MATR3: variants seen among roughly 807,000 people sequenced by gnomAD.
MATR3 encodes matrin-3.
Under a neutral mutation model 85.5 loss-of-function variants are expected in MATR3, and 4 were observed. That is an observed-to-expected ratio of 0.05 (90% CI 0.02 to 0.11). The LOEUF (loss-of-function observed/expected upper bound fraction) is 0.11, where lower values mean the gene tolerates loss of function less well. MATR3 is among the 10% of genes least tolerant of loss of function. MATR3 has a pLI of 1.00. For synonymous variants in MATR3, 336 were observed against 343.1 expected (o/e 0.98, Z 0.23); for missense variants, 685 against 1,016.1 (o/e 0.67, Z 4.43).
At position 139,314,924 on chromosome 5, in the gene MATR3, GTAA is replaced by G. The variant is rs569102933; in HGVS notation, c.974+194_974+196del. 917 of 556,374 alleles carry G rather than the reference GTAA, an allele frequency of 1.6e-3. 1 individual carries two copies. The highest frequency in any genetic ancestry group is 2.6e-3 in the Non-Finnish European group (796 of 309,388). 34.5% of individuals were successfully genotyped at this position (556,374 alleles called of 1,614,324 possible). A position where few individuals can be genotyped will look rare whatever the true frequency, so the allele number is the denominator to read the frequency against. On this transcript the variant is annotated intron_variant, in intron 3 of 14. Transcript: ENST00000394805. ...AATTTCATATTGAATATTAGATGCAGTAATAATATTTTGTTATTTAACATTTCT... is the reference window on the plus strand; with the variant it reads ...AATTTCATATTGAATATTAGATGCAGTAATATTTTGTTATTTAACATTTCT...
rs2151891645 is a variant in MATR3, at chr5:139,286,185, T to C, written c.-178+7056T>C. Among the ~76,000 whole-genome samples the C allele has an allele frequency of 2.0e-5, 3 of 152,288 alleles. No homozygotes were observed. In the South Asian group the frequency reaches 6.2e-4, roughly 32 times the overall value. On this transcript the variant is annotated intron_variant, in intron 3 of 16. Transcript: ENST00000509990. Reference sequence around the variant, plus strand: ...AGAAGAGCAGCTACTGGTTAAGTTTTCTGTTTTTAAGTAGCCTTAAAAAAT... The same window carrying C: ...AGAAGAGCAGCTACTGGTTAAGTTTCCTGTTTTTAAGTAGCCTTAAAAAAT...
chr5:139,318,137 GTTTC>G (rs1292382189), intron 7 of MATR3, among the ~76,000 whole-genome samples: 4 of 152,020 alleles, frequency 2.6e-5, no homozygotes, highest in Admixed American at 1.3e-4. Context: ...GGGTTTTTTT[GTTTC>G]TTTGTTTTGG....
chr5:139,293,836 G>C (rs767635214), intron 1 of MATR3, 31 bp downstream of exon 1: 8 of 443,048 alleles, frequency 1.8e-5, no homozygotes, highest in Non-Finnish European at 2.6e-5. Context: ...AGTCGGGGTC[G>C]GGTGGCTGGG....
rs781617304 is a variant in MATR3 at position 139,314,427 on chromosome 5, A to G, written c.913-248A>G. 2.0e-5 allele frequency: 9 copies of G among 448,164 alleles called. No homozygotes were observed. The highest frequency in any genetic ancestry group is 8.6e-5 in the South Asian group (4 of 46,604). 27.8% of individuals were successfully genotyped at this position (448,164 alleles called of 1,614,324 possible). A position where few individuals can be genotyped will look rare whatever the true frequency, so the allele number is the denominator to read the frequency against. On this transcript the variant is annotated intron_variant, in intron 2 of 14. Transcript: ENST00000394805. ...TTAACTCTATATCTTTTCCCTGTCA[A>G]ATATCTTAAGTATGTTGACAAGTTA...
intron 1 of MATR3, among the ~76,000 whole-genome samples, chr5:139,275,031 A>G (rs980518662): frequency 2.7e-5 from 4 of 150,128 alleles, no homozygotes; most frequent in African/African-American, 9.8e-5. Flanking sequence ...GCTGGAGTGC[A>G]GTAGGGCGAT....
At chr5:139,318,587 C>A (rs143128636) in intron 7 of MATR3, among the ~76,000 whole-genome samples, 9 of 152,168 alleles carry the variant, frequency 5.9e-5, no homozygotes, top group Non-Finnish European at 1.5e-5. Flanking sequence ...GGACTACAGA[C>A]GTCCACCATT....
intron 12 of MATR3, among the ~76,000 whole-genome samples, chr5:139,323,950 T>C (rs1755710551): frequency 6.6e-6 from 1 of 152,072 alleles, no homozygotes; most frequent in African/African-American, 2.4e-5. Context: ...ATTCCATTGG[T>C]TCCTTTTATG....
intron 1 of MATR3, among the ~76,000 whole-genome samples, chr5:139,302,465 A>T (rs1276394262): frequency 6.6e-6 from 1 of 152,070 alleles, no homozygotes; most frequent in Non-Finnish European, 1.5e-5. Context: ...TACACCATTA[A>T]AATGAAAACT....
intron 14 of MATR3, among the ~76,000 whole-genome samples, chr5:139,326,766 C>A (rs1004930666): frequency 1.8e-4 from 28 of 152,098 alleles, no homozygotes; most frequent in African/African-American, 6.8e-4. Flanking sequence ...ATCTGTTGAA[C>A]CTCTTGTCAT....
intron 1 of MATR3, 116 bp downstream of exon 1, chr5:139,293,921 C>T (rs1190446515): frequency 2.5e-6 from 3 of 1,197,030 alleles, no homozygotes; most frequent in Non-Finnish European, 3.1e-6. Context: ...GCCTTTCTTG[C>T]TCGCTCCCGC....
chr5:139,294,300 CA>C (rs1484453002), intron 1 of MATR3, among the ~76,000 whole-genome samples: 1 of 152,200 alleles, frequency 6.6e-6, no homozygotes, highest in Non-Finnish European at 1.5e-5. Context: ...GCGCCAGTGC[CA>C]AATAACCCGT....
intron 9 of MATR3, among the ~76,000 whole-genome samples, chr5:139,320,454 T>C (rs886638398): frequency 1.6e-4 from 25 of 152,086 alleles, no homozygotes; most frequent in African/African-American, 5.3e-4. Context: ...AAAAATTTTT[T>C]TTAACCAGGC....
At chr5:139,275,281 G>A (rs897931434) in intron 1 of MATR3, among the ~76,000 whole-genome samples, 1 of 151,154 alleles carries the variant, frequency 6.6e-6, no homozygotes, top group Non-Finnish European at 1.5e-5. Context: ...ACAGGCGTGA[G>A]CCACCGCGCC....
chr5:139,293,892 T>C lies in MATR3; in HGVS notation c.-178+87T>C, dbSNP rs1320413454. ...AGGGGACAACGACGGCGACAGGGGC[T>C]GCGGGGAGCCGGCGGCGCGCCTTTC... On this transcript the variant is annotated intron_variant, in intron 1 of 14. Transcript: ENST00000394805. 4.1e-6 allele frequency: 4 copies of C among 973,718 alleles called. No homozygotes were observed. In the African/African-American group the frequency reaches 6.7e-5, roughly 16 times the overall value. The allele number at this position is 973,718 out of a possible 1,614,324, so 60.3% of individuals were successfully genotyped here.
chr5:139,295,860 G>T (rs1446546511), intron 1 of MATR3, among the ~76,000 whole-genome samples: 1 of 152,140 alleles, frequency 6.6e-6, no homozygotes, highest in Non-Finnish European at 1.5e-5. Context: ...CTGTTGCCCA[G>T]ACTGGAGTGC....
intron 9 of MATR3, among the ~76,000 whole-genome samples, 171 bp downstream of exon 9, chr5:139,319,672 A>T (rs1755438879): frequency 6.6e-6 from 1 of 151,726 alleles, no homozygotes; most frequent in Non-Finnish European, 1.5e-5. Flanking sequence ...GCATGGTGAA[A>T]TCGTATCTCT....
Position 139,330,364 on chromosome 5 carries a change from A to G in MATR3, c.*969A>G, listed in dbSNP as rs1421373897. On this transcript the variant is annotated 3_prime_UTR_variant, in exon 15 of 15. Coordinates refer to ENST00000394805, the MANE Select transcript of MATR3 (RefSeq NM_018834.6). ...TATACTGCTTATATCTGTGGATTCAAGTTACTGAAGTGAATACCAATAAAA... is the reference window on the plus strand; with the variant it reads ...TATACTGCTTATATCTGTGGATTCAGGTTACTGAAGTGAATACCAATAAAA... 4.4e-6 allele frequency: 2 copies of G among 454,402 alleles called. No homozygotes were observed. Among genetic ancestry groups the G allele is most frequent in the Admixed American group, 2.4e-5 (1 of 42,540 alleles). The allele number at this position is 454,402 out of a possible 1,614,324, so 28.1% of individuals were successfully genotyped here.
At chr5:139,326,477 A>G (rs569668059) in intron 14 of MATR3, among the ~76,000 whole-genome samples, 193 bp downstream of exon 14, 24 of 150,596 alleles carry the variant, frequency 1.6e-4, no homozygotes, top group African/African-American at 5.1e-4. Context: ...TTGGATTGCA[A>G]TGGTGCAATC....
chr5:139,324,290 G>GTTTTTTTTTT (rs767660135), intron 12 of MATR3, among the ~76,000 whole-genome samples: 1 of 107,720 alleles, frequency 9.3e-6, no homozygotes. Context: ...GAGCATGATT[G>GTTTTTTTTTT]TTTTTTTTTT....
Sources: gnomAD v4.1 joint callset for allele counts (sites outside exome capture counted in the v4.1 genomes callset) on GRCh38, gnomAD v4.1.1 for gene constraint, MANE v1.5 for transcripts, NCBI Gene and HGNC (gene_info 2026-07-23, HGNC 2026-07-21) for gene names.